Variants in CLTC observed in about 807,000 individuals in gnomAD.
CLTC encodes the protein clathrin heavy chain 1.
In CLTC, 16 loss-of-function variants were observed where a neutral mutation model predicts 195.8. The observed-to-expected ratio is 0.08, with a 90% confidence interval of 0.06 to 0.12. The LOEUF (loss-of-function observed/expected upper bound fraction) is 0.12. Ranked by LOEUF, CLTC falls within the 10% of genes least tolerant of loss-of-function variation. CLTC has a pLI of 1.00. For synonymous variants in CLTC, 667 were observed against 689.4 expected (o/e 0.97, Z 0.51); for missense variants, 796 against 2,027.0 (o/e 0.39, Z 11.66).
intron 1 of CLTC, among the ~76,000 whole-genome samples, chr17:59,622,233 T>G (rs573512612): frequency 1.3e-5 from 2 of 152,342 alleles, no homozygotes; most frequent in East Asian, 3.9e-4. Flanking sequence ...GTCCTCTGTG[T>G]TTTGGATTGC....
chr17:59,661,526 C>T lies in CLTC; in HGVS notation c.1251C>T (p.Tyr417=). The T allele has an allele frequency of 6.2e-7, 1 of 1,614,142 alleles. No individual in the cohort carries two copies. ...QPGQTSPLLQ[Y]FGILLDQGQL... is the part of the protein sequence containing the mutation. ...GTCAAACTTCTCCTCTACTTCAGTA[C>T]TTTGGTATCCTTTTGGACCAGGGAC... The change falls in exon 8 of 32, where the codon TAC becomes TAT. Residue 417 remains tyrosine (Y), a synonymous_variant. Transcript: ENST00000269122.
intron 5 of CLTC, among the ~76,000 whole-genome samples, chr17:59,652,328 A>G (rs930702412): frequency 2.0e-5 from 3 of 152,160 alleles, no homozygotes; most frequent in Admixed American, 6.5e-5. Context: ...TCCTTTCCAG[A>G]TTGACCGTTA....
In CLTC at chr17:59,683,223, G is replaced by A. The variant is rs145101759; in HGVS notation, c.4002G>A (p.Glu1334=). 1 of 1,613,978 alleles carries A rather than the reference G, an allele frequency of 6.2e-7. No homozygotes were observed. The highest frequency in any genetic ancestry group is 8.5e-7 in the Non-Finnish European group (1 of 1,179,994). Residue 1334 remains glutamate, a synonymous_variant, in exon 25 of 32, where the codon GAG becomes GAA. Transcript: ENST00000269122. The surrounding 1 kb of genome is among the most constrained non-coding windows in gnomAD (Gnocchi z 6.1). The stretch of plus-strand genomic sequence containing the variant: ...AATTTAAGCCTCAGAAAATGAGGGA[G>A]CACCTGGAGCTGTTCTGGTCTAGAG... The part of the protein sequence containing the change: ...YSKFKPQKMR[E]HLELFWSRVN...
At chr17:59,664,132 T>A (rs553739387) in intron 9 of CLTC, 138 bp downstream of exon 9, 5 of 719,838 alleles carry the variant, frequency 6.9e-6, no homozygotes, top group South Asian at 6.3e-5. Flanking sequence ...AAAATTCTCT[T>A]ACCCCTCATA....
chr17:59,620,118 C>A lies in CLTC; in HGVS notation c.-14C>A, dbSNP rs918956573. 1.2e-6 allele frequency: 2 copies of A among 1,614,012 alleles called. No individual in the cohort carries two copies. The highest frequency in any genetic ancestry group is 2.2e-5 in the East Asian group (1 of 44,866). On this transcript the variant is annotated 5_prime_UTR_variant, in exon 1 of 32. Coordinates refer to ENST00000269122, the MANE Select transcript of CLTC (RefSeq NM_004859.4). ...CCCCAGTGACAGGAGGAGACCATAA[C>A]CCCCGACAGCGCCATGGCCCAGATT...
intron 1 of CLTC, among the ~76,000 whole-genome samples, chr17:59,631,773 C>T (rs1227960175): frequency 6.6e-6 from 1 of 151,596 alleles, no homozygotes; most frequent in Non-Finnish European, 1.5e-5. Context: ...GCATTCGAGA[C>T]TAGCCTGGAC....
At chr17:59,663,327 C>T (rs915844379) in intron 8 of CLTC, among the ~76,000 whole-genome samples, 3 of 152,284 alleles carry the variant, frequency 2.0e-5, no homozygotes, top group South Asian at 2.1e-4. Context: ...AAGCTTAAAT[C>T]CAAGTCAAGA....
intron 6 of CLTC, among the ~76,000 whole-genome samples, chr17:59,659,463 T>C (rs939062272): frequency 4.6e-5 from 7 of 150,674 alleles, no homozygotes; most frequent in African/African-American, 1.7e-4. Context: ...ATTTTTTTTT[T>C]TTTTTGAGAC....
At chr17:59,691,618 C>T (rs984143412) in intron 31 of CLTC, among the ~76,000 whole-genome samples, 8 of 139,614 alleles carry the variant, frequency 5.7e-5, no homozygotes, top group Non-Finnish European at 1.1e-4. Context: ...AGCAAGACTC[C>T]GCCTTAAAAA....
At chr17:59,689,987 G>A (rs1015814429) in intron 30 of CLTC, 6 of 152,174 alleles carry the variant, frequency 3.9e-5, no homozygotes, top group Admixed American at 3.9e-4. Flanking sequence ...GCATATAGTA[G>A]CCATTTACTT....
chr17:59,646,506 C>T (rs577150501), intron 2 of CLTC, among the ~76,000 whole-genome samples: 41 of 147,944 alleles, frequency 2.8e-4, no homozygotes, highest in South Asian at 9.0e-4. Flanking sequence ...CCTTCAGGAG[C>T]CAGATTCTCT....
In CLTC at chr17:59,693,807, A is replaced by G. The variant is rs768506479; in HGVS notation, c.4983A>G (p.Ala1661=). The change falls in exon 32 of 32, where the codon GCA becomes GCG. Residue 1661 remains alanine, a synonymous_variant. Transcript: ENST00000269122. Reference sequence around the variant, plus strand: ...CACCTTTTGGTTATGGTTATACCGCACCACCGTATGGACAGCCACAGCCTG... The same window carrying G: ...CACCTTTTGGTTATGGTTATACCGCGCCACCGTATGGACAGCCACAGCCTG... The part of the protein sequence containing the change: ...PQAPFGYGYT[A]PPYGQPQPGF... 6.2e-7 allele frequency: 1 copy of G among 1,613,578 alleles called. No individual in the cohort carries two copies. Among genetic ancestry groups the G allele is most frequent in the Non-Finnish European group, 8.5e-7 (1 of 1,179,768 alleles).
At chr17:59,661,725 C>A in intron 8 of CLTC, 82 bp downstream of exon 8, 1 of 1,137,380 alleles carries the variant, frequency 8.8e-7, no homozygotes, top group South Asian at 1.3e-5. Flanking sequence ...TAGGCTGCAC[C>A]ACAATGTCTC....
At chr17:59,633,752 T>A (rs551761244) in intron 1 of CLTC, among the ~76,000 whole-genome samples, 12 of 152,314 alleles carry the variant, frequency 7.9e-5, no homozygotes, top group Admixed American at 3.3e-4. Flanking sequence ...GTGAAGTCGC[T>A]GGGAAGTTGT....
intron 16 of CLTC, 118 bp downstream of exon 16, chr17:59,674,961 G>T (rs1437149292): frequency 4.9e-6 from 5 of 1,020,606 alleles, no homozygotes; most frequent in Admixed American, 2.4e-5. Context: ...ATTTCCTGAA[G>T]ACACCTAACA....
At chr17:59,693,631 T>TGCTA in intron 31 of CLTC, 97 bp from the exon 32 acceptor site, 1 of 1,372,492 alleles carries the variant, frequency 7.3e-7, no homozygotes, top group African/African-American at 1.5e-5. Flanking sequence ...GAGATTATGT[T>TGCTA]GCTAGAGTGG....
chr17:59,629,358 G>A (rs1464443915), intron 1 of CLTC, among the ~76,000 whole-genome samples: 1 of 152,122 alleles, frequency 6.6e-6, no homozygotes, highest in Non-Finnish European at 1.5e-5. Context: ...GGCAAAGGCT[G>A]CTGTAGGCTT....
At chr17:59,663,809 G>T in intron 8 of CLTC, 33 bp from the exon 9 acceptor site, 1 of 1,595,604 alleles carries the variant, frequency 6.3e-7, no homozygotes, top group South Asian at 1.1e-5. Flanking sequence ...ACAGTTCATG[G>T]ATCACTAAAC....
Position 59,666,394 on chromosome 17 carries a change from T to C in CLTC, c.1783-86T>C. The C allele has an allele frequency of 6.6e-7, 1 of 1,525,938 alleles. No individual in the cohort carries two copies. The highest frequency in any genetic ancestry group is 8.9e-7 in the Non-Finnish European group (1 of 1,120,940). The allele number at this position is 1,525,938 out of a possible 1,614,324, so 94.5% of individuals were successfully genotyped here. On this transcript the variant is annotated intron_variant, in intron 11 of 31. Coordinates refer to ENST00000269122, the MANE Select transcript of CLTC (RefSeq NM_004859.4). The surrounding 1 kb of genome is among the most constrained non-coding windows in gnomAD (Gnocchi z 4.9). ...ATTCTTTTGTACTTTAACAGTTCAC[T>C]ATTAAACCTTAATCTGTAATACGGA...
Sources: gnomAD v4.1 joint callset for allele counts (sites outside exome capture counted in the v4.1 genomes callset) on GRCh38, gnomAD v4.1.1 for gene constraint, Gnocchi (gnomAD v3.1) non-coding constraint, MANE v1.5 for transcripts, NCBI Gene and HGNC (gene_info 2026-07-23, HGNC 2026-07-21) for gene names.